The following OTOA variants were observed in gnomAD, a reference collection of about 807,000 sequenced individuals.
The protein encoded by OTOA is cancer/testis antigen 108.
In OTOA, 70 loss-of-function variants were observed where a neutral mutation model predicts 110.8. The ratio of observed to expected loss-of-function variants is 0.63; its 90% confidence interval spans 0.52 to 0.77. OTOA has a LOEUF of 0.77. Among genes scored for constraint, OTOA ranks in the 30% least tolerant of loss-of-function variants. The probability of loss-of-function intolerance (pLI) is 0.00; values close to 1 mark genes in which losing one functional copy is unlikely to be tolerated. For synonymous variants in OTOA, 373 were observed against 431.5 expected, an observed-to-expected ratio of 0.86 and a Z score of 1.68; for missense variants, 917 against 1,075.8, an observed-to-expected ratio of 0.85 and a Z score of 2.06.
rs1438602426 is a variant in OTOA, at chr16:21,728,269, T to C, written c.2045T>C (p.Val682Ala). 1.2e-6 allele frequency: 2 copies of C among 1,614,168 alleles called. No homozygotes were observed. The highest frequency in any genetic ancestry group is 4.5e-5 in the East Asian group (2 of 44,862). The change falls in exon 20 of 29, where the codon GTG (valine) becomes GCG (alanine). Residue 682 changes from valine to alanine, a missense_variant. Physicochemically the swap from Val to Ala is moderately conservative, Grantham distance 64. Around this residue, in one of 6 missense-constraint regions of OTOA, gnomAD observed 840 missense variants for 910.2 expected, o/e 0.92. Transcript: ENST00000646100. ...LDDSIADEYT[V>A]DIMGNLLCHL... The stretch of plus-strand genomic sequence containing the variant: ...GACTCCATTGCTGATGAGTACACTG[T>C]GGACATCATGGGGAACCTGCTGTGT...
At chr16:21,724,398 A>G (rs147744879) in intron 18 of OTOA, among the ~76,000 whole-genome samples, 17 of 152,206 alleles carry the variant, frequency 1.1e-4, no homozygotes, top group East Asian at 7.7e-4. Context: ...AGAAAAGCCA[A>G]TCACTCTGGG....
intron 11 of OTOA, 170 bp from the exon 12 acceptor site, chr16:21,704,999 G>A (rs529335561): frequency 6.6e-6 from 7 of 1,062,394 alleles, no homozygotes; most frequent in South Asian, 3.7e-5. Context: ...GTTAGGTTCC[G>A]CCTGTGGTTG....
chr16:21,696,762 C>G (rs1897948600), intron 9 of OTOA, among the ~76,000 whole-genome samples: 1 of 151,904 alleles, frequency 6.6e-6, no homozygotes, highest in African/African-American at 2.4e-5. Context: ...TTCGTGATTA[C>G]AGGTGTGAGC....
chr16:21,722,259 CA>C (rs1320756375), intron 17 of OTOA, among the ~76,000 whole-genome samples: 26 of 68,498 alleles, frequency 3.8e-4, no homozygotes, highest in Admixed American at 6.7e-4. Context: ...GAGACTGTCT[CA>C]AAAAAAAAAC....
chr16:21,694,345 G>T (rs548125368), intron 9 of OTOA, among the ~76,000 whole-genome samples: 4 of 152,158 alleles, frequency 2.6e-5, no homozygotes, highest in East Asian at 3.9e-4. Context: ...TGGAGGCTGA[G>T]GGGGGGAGGA....
At position 21,728,258 on chromosome 16, in the gene OTOA, TG is replaced by T. The variant is rs777834673; in HGVS notation, c.2035del (p.Glu679SerfsTer49). 8 of 1,614,194 alleles carry T rather than the reference TG, an allele frequency of 5.0e-6. No homozygotes were observed. The highest frequency in any genetic ancestry group is 6.8e-6 in the Non-Finnish European group (8 of 1,180,014). On this transcript the variant is annotated frameshift_variant, in exon 20 of 29. Coordinates refer to ENST00000646100, the MANE Select transcript of OTOA (RefSeq NM_144672.4). LOFTEE classifies it high-confidence loss of function. ...QQCLDDSIAD[E>X]YTVDIMGNLL... ...GGGTTCAGGACGACTCCATTGCTGA[TG>T]AGTACACTGTGGACATCATGGGGAA...
intron 13 of OTOA, 62 bp from the exon 14 acceptor site, chr16:21,714,923 G>A: frequency 1.9e-6 from 3 of 1,608,098 alleles, no homozygotes; most frequent in Non-Finnish European, 1.7e-6. Context: ...GATGGGCTGA[G>A]TGCACGTTGG....
intron 12 of OTOA, among the ~76,000 whole-genome samples, chr16:21,706,161 T>C (rs73549640): frequency 0.012 from 1,771 of 152,274 alleles, 31 homozygotes; most frequent in African/African-American, 0.041. Context: ...CACCTGGGGA[T>C]CTTAAATGCA....
At chr16:21,722,221 C>G (rs1898771797) in intron 17 of OTOA, among the ~76,000 whole-genome samples, 1 of 146,616 alleles carries the variant, frequency 6.8e-6, no homozygotes, top group African/African-American at 2.5e-5. Flanking sequence ...GAGATTACAC[C>G]ACTGTACTAC....
At chr16:21,735,364 A>G (rs1415967972) in intron 21 of OTOA, among the ~76,000 whole-genome samples, 1 of 151,774 alleles carries the variant, frequency 6.6e-6, no homozygotes, top group Non-Finnish European at 1.5e-5. Flanking sequence ...CAAGATCTCG[A>G]GAGAACGCAC....
intron 9 of OTOA, among the ~76,000 whole-genome samples, chr16:21,692,850 C>T (rs1194974211): frequency 6.8e-6 from 1 of 147,416 alleles, no homozygotes; most frequent in Non-Finnish European, 1.5e-5. Context: ...ATCACTTGAA[C>T]CCAGGAGGTG....
At chr16:21,681,360 G>A (rs1966889189) in intron 5 of OTOA, among the ~76,000 whole-genome samples, 1 of 152,092 alleles carries the variant, frequency 6.6e-6, no homozygotes, top group Non-Finnish European at 1.5e-5. Flanking sequence ...GGAGGCAGAG[G>A]TGGGAGGATT....
chr16:21,685,957 A>G (rs906724569), intron 7 of OTOA, among the ~76,000 whole-genome samples: 1 of 152,158 alleles, frequency 6.6e-6, no homozygotes, highest in African/African-American at 2.4e-5. Context: ...AAAAATTACT[A>G]TGCACCAGTG....
intron 1 of OTOA, among the ~76,000 whole-genome samples, chr16:21,665,013 T>TAAATAAATAAACAAAC (rs1472493254): frequency 6.6e-6 from 1 of 151,458 alleles, no homozygotes; most frequent in African/African-American, 2.4e-5. Context: ...AATAAATAAA[T>TAAATAAATAAACAAAC]AAACAAATAA....
chr16:21,726,922 T>A (rs1898935921), intron 19 of OTOA, among the ~76,000 whole-genome samples: 1 of 151,982 alleles, frequency 6.6e-6, no homozygotes, highest in South Asian at 2.1e-4. Flanking sequence ...TGCCAGTGAT[T>A]GGTTATGTGG....
intron 1 of OTOA, among the ~76,000 whole-genome samples, chr16:21,674,896 CTTTTTTTTTTTTTT>C (rs60269668): frequency 1.7e-4 from 5 of 29,786 alleles, no homozygotes; most frequent in Non-Finnish European, 2.9e-4. Flanking sequence ...TTTTAAAAAT[CTTTTTTTTTTTTTT>C]TTTTTTTTTT....
chr16:21,749,142 G>A (rs1180840372), intron 24 of OTOA, among the ~76,000 whole-genome samples: 7 of 132,746 alleles, frequency 5.3e-5, no homozygotes, highest in South Asian at 5.4e-4. Flanking sequence ...CCATGAAGAC[G>A]GAATTTCATT....
At chr16:21,665,506 A>C (rs1477895051) in intron 1 of OTOA, among the ~76,000 whole-genome samples, 1 of 152,126 alleles carries the variant, frequency 6.6e-6, no homozygotes, top group African/African-American at 2.4e-5. Context: ...CCTCCCTGCC[A>C]TTCGCTTGCT....
At chr16:21,722,857 G>C (rs989680231) in intron 17 of OTOA, 48 bp from the exon 18 acceptor site, 1 of 1,541,786 alleles carries the variant, frequency 6.5e-7, no homozygotes, top group Non-Finnish European at 9.0e-7. Context: ...CACTGTGTTT[G>C]TTCTTCTTCT....
Sources: gnomAD v4.1 joint callset for allele counts (sites outside exome capture counted in the v4.1 genomes callset) on GRCh38, gnomAD v4.1.1 for gene constraint, gnomAD v4.1.1 regional missense constraint, MANE v1.5 for transcripts, NCBI Gene and HGNC (gene_info 2026-07-23, HGNC 2026-07-21) for gene names.